ASAP2: variants seen among roughly 807,000 people sequenced by gnomAD.
ASAP2 encodes the protein ArfGAP with SH3 domain, ankyrin repeat and PH domain 2, also known as arf-GAP with SH3 domain, ANK repeat and PH domain-containing protein 2.
In ASAP2, 45 loss-of-function variants were observed where a neutral mutation model predicts 131.4. That is an observed-to-expected ratio of 0.34 (90% CI 0.27 to 0.44). The LOEUF is 0.44. Ranked by LOEUF, ASAP2 falls within the 20% of genes least tolerant of loss-of-function variation. The probability of loss-of-function intolerance (pLI) is 1.00; values close to 1 mark genes in which losing one functional copy is unlikely to be tolerated. For synonymous variants in ASAP2, 510 were observed against 503.0 expected, an observed-to-expected ratio of 1.01 and a Z score of -0.19; for missense variants, 1,011 against 1,297.0, an observed-to-expected ratio of 0.78 and a Z score of 3.39.
intron 9 of ASAP2, among the ~76,000 whole-genome samples, chr2:9,336,752 G>T: frequency 6.6e-6 from 1 of 152,220 alleles, no homozygotes; most frequent in East Asian, 1.9e-4. Flanking sequence ...AAAACTTGGC[G>T]TAAGGAGAAA....
intron 3 of ASAP2, among the ~76,000 whole-genome samples, chr2:9,303,668 T>G (rs2148423047): frequency 6.6e-6 from 1 of 152,368 alleles, no homozygotes; most frequent in East Asian, 1.9e-4. Context: ...TGTTCTATAC[T>G]CACAAATCTC....
At chr2:9,212,612 A>C (rs564470219) in intron 1 of ASAP2, among the ~76,000 whole-genome samples, 50 of 151,978 alleles carry the variant, frequency 3.3e-4, no homozygotes, top group African/African-American at 1.2e-3. Context: ...CTTCCCATGC[A>C]CCCCACGTTT....
At chr2:9,383,112 G>C (rs192411107) in intron 20 of ASAP2, among the ~76,000 whole-genome samples, 1 of 151,604 alleles carries the variant, frequency 6.6e-6, no homozygotes, top group African/African-American at 2.4e-5. Flanking sequence ...GGGGGGCCAC[G>C]GGACTGTTTG....
At chr2:9,214,272 C>T (rs528845887) in intron 1 of ASAP2, among the ~76,000 whole-genome samples, 2 of 152,106 alleles carry the variant, frequency 1.3e-5, no homozygotes, top group South Asian at 2.1e-4. Flanking sequence ...GAGTCTTGCT[C>T]GGTTACCCAG....
intron 9 of ASAP2, among the ~76,000 whole-genome samples, chr2:9,342,770 T>TG (rs1671674865): frequency 6.6e-6 from 1 of 152,232 alleles, no homozygotes; most frequent in Non-Finnish European, 1.5e-5. Context: ...CAGCCCGTCT[T>TG]GTCCACCCCT....
intron 5 of ASAP2, 96 bp downstream of exon 5, chr2:9,320,433 T>C: frequency 1.1e-6 from 1 of 915,602 alleles, no homozygotes; most frequent in Non-Finnish European, 1.7e-6. Flanking sequence ...CAAATAAACC[T>C]TAATCCAGAA....
chr2:9,253,384 C>T (rs1664861637), intron 1 of ASAP2, among the ~76,000 whole-genome samples: 1 of 151,970 alleles, frequency 6.6e-6, no homozygotes, highest in South Asian at 2.1e-4. Flanking sequence ...GGCTGGTCTC[C>T]AACTCCTGAC....
rs1035653528 is a variant in ASAP2, at chr2:9,311,218, C to T, written c.346-7306C>T. ...ACCAGCGTTGGCAACATGGGGAGACCCTGTCTTGACAAAAAATAAAAATAA... is the reference window on the plus strand; with the variant it reads ...ACCAGCGTTGGCAACATGGGGAGACTCTGTCTTGACAAAAAATAAAAATAA... On this transcript the variant is annotated intron_variant, in intron 3 of 27. Transcript: ENST00000281419. This position sits in a 1 kb window ranked among gnomAD's most constrained non-coding sequence, Gnocchi z 5.2. Among the ~76,000 whole-genome samples the T allele has an allele frequency of 6.6e-6, 1 of 151,494 alleles. No homozygotes were observed.
At chr2:9,252,760 A>G (rs1198536154) in intron 1 of ASAP2, among the ~76,000 whole-genome samples, 1 of 151,258 alleles carries the variant, frequency 6.6e-6, no homozygotes, top group Non-Finnish European at 1.5e-5. Context: ...CTAAAAATAC[A>G]AAAAAATTAG....
chr2:9,395,074 G>A (rs1415461939), intron 24 of ASAP2, among the ~76,000 whole-genome samples: 5 of 152,166 alleles, frequency 3.3e-5, no homozygotes, highest in Admixed American at 6.5e-5. Flanking sequence ...AAGCTGGCAC[G>A]GAATGACTTC....
intron 1 of ASAP2, among the ~76,000 whole-genome samples, chr2:9,233,488 A>G (rs190189112): frequency 3.9e-5 from 6 of 152,314 alleles, no homozygotes; most frequent in African/African-American, 1.4e-4. Context: ...CAAAAGTTGT[A>G]TGGTGGCTTG....
intron 9 of ASAP2, among the ~76,000 whole-genome samples, chr2:9,339,690 C>T (rs1395735258): frequency 6.6e-6 from 1 of 152,116 alleles, no homozygotes; most frequent in Admixed American, 6.5e-5. Context: ...CCTTAGCCTC[C>T]TTGTTGGTCC....
At chr2:9,337,285 A>C (rs1329230812) in intron 9 of ASAP2, among the ~76,000 whole-genome samples, 1 of 152,172 alleles carries the variant, frequency 6.6e-6, no homozygotes, top group East Asian at 1.9e-4. Context: ...CTTTTAGGTG[A>C]TGGCATTCAG....
chr2:9,281,607 C>T lies in ASAP2; in HGVS notation c.199+2218C>T, dbSNP rs536581748. Among the ~76,000 whole-genome samples the T allele has an allele frequency of 6.6e-6, 1 of 152,270 alleles. No homozygotes were observed. The highest frequency in any genetic ancestry group is 6.5e-5 in the Admixed American group (1 of 15,292). On this transcript the variant is annotated intron_variant, in intron 2 of 27. Transcript: ENST00000281419. The surrounding 1 kb of genome is among the most constrained non-coding windows in gnomAD (Gnocchi z 4.0). ...AACTCTATAGCATTTTTTCATCACCCTCTTTGAAGTTCGTGGAAGTCAGTT... is the reference window on the plus strand; with the variant it reads ...AACTCTATAGCATTTTTTCATCACCTTCTTTGAAGTTCGTGGAAGTCAGTT...
intron 12 of ASAP2, among the ~76,000 whole-genome samples, chr2:9,353,029 G>T (rs1484915268): frequency 2.0e-5 from 3 of 152,134 alleles, no homozygotes; most frequent in Non-Finnish European, 4.4e-5. Flanking sequence ...TTTGTGCAGG[G>T]GTATGTGGGT....
chr2:9,395,950 T>C (rs1365225220), intron 24 of ASAP2, among the ~76,000 whole-genome samples: 1 of 152,020 alleles, frequency 6.6e-6, no homozygotes, highest in Non-Finnish European at 1.5e-5. Flanking sequence ...AGTTAAACTT[T>C]TACTTAGTCC....
chr2:9,379,718 C>T (rs2148735009), intron 19 of ASAP2, among the ~76,000 whole-genome samples: 2 of 152,292 alleles, frequency 1.3e-5, no homozygotes, highest in East Asian at 3.9e-4. Flanking sequence ...AACTAATAAT[C>T]AGACCTCATT....
intron 1 of ASAP2, among the ~76,000 whole-genome samples, chr2:9,275,149 T>C (rs1370550108): frequency 6.6e-6 from 1 of 150,486 alleles, no homozygotes; most frequent in Admixed American, 6.6e-5. Context: ...GGCGCAATCA[T>C]GGTTCGCTGC....
intron 27 of ASAP2, 98 bp downstream of exon 27, chr2:9,401,494 T>A: frequency 6.8e-7 from 1 of 1,479,596 alleles, no homozygotes; most frequent in Non-Finnish European, 9.1e-7. Context: ...TTTCTCAGCC[T>A]GAGCAGTCCA....
Sources: allele counts gnomAD v4.1 joint callset (sites outside exome capture counted in the v4.1 genomes callset), GRCh38; gene constraint gnomAD v4.1.1; non-coding constraint Gnocchi (gnomAD v3.1); transcripts MANE v1.5; gene names NCBI Gene and HGNC (gene_info 2026-07-23, HGNC 2026-07-21).